Variants in PFKFB1 observed in about 807,000 individuals in gnomAD.
The protein encoded by PFKFB1 is 6-phosphofructo-2-kinase/fructose-2,6-biphosphatase 1, also known as 6-phosphofructo-2-kinase/fructose-2,6-bisphosphatase 1.
A neutral mutation model predicts 46.4 loss-of-function variants in PFKFB1; 34 were observed. The ratio of observed to expected loss-of-function variants is 0.73; its 90% CI spans 0.56 to 0.98. The LOEUF is 0.98. Ranked by LOEUF, PFKFB1 falls within the 50% of genes least tolerant of loss-of-function variation. PFKFB1 has a pLI of 0.00. For missense variants in PFKFB1, 393 were observed against 376.3 expected (o/e 1.04, Z -0.37); for synonymous variants, 119 against 133.8 (o/e 0.89, Z 0.76).
intron 6 of PFKFB1, among the ~76,000 whole-genome samples, chrX:54,957,185 T>C (rs4826364): frequency 0.44 from 48,576 of 110,630 alleles, 8,291 homozygotes; most frequent in African/African-American, 0.63. Flanking sequence ...TATAGTTCTC[T>C]GGAGATGCCA....
chrX:54,941,820 T>C (rs1307026612), intron 10 of PFKFB1, among the ~76,000 whole-genome samples: 2 of 112,152 alleles, frequency 1.8e-5, no homozygotes, highest in Non-Finnish European at 3.8e-5. Flanking sequence ...TCAACCATTG[T>C]GGAAGTCAGT....
intron 10 of PFKFB1, among the ~76,000 whole-genome samples, chrX:54,939,555 G>C (rs934642579): frequency 3.6e-5 from 4 of 111,609 alleles, no homozygotes; most frequent in Non-Finnish European, 5.6e-5. Context: ...AAATGATAAA[G>C]GGAATATCAC....
At chrX:54,954,349 A>T (rs1458093996) in intron 7 of PFKFB1, among the ~76,000 whole-genome samples, 2 of 110,136 alleles carry the variant, frequency 1.8e-5, no homozygotes, top group Non-Finnish European at 3.8e-5. Context: ...CCTATCTCTA[A>T]TAAAAATACA....
At chrX:54,974,359 A>T (rs910037981) in intron 1 of PFKFB1, among the ~76,000 whole-genome samples, 3 of 111,396 alleles carry the variant, frequency 2.7e-5, no homozygotes, top group Non-Finnish European at 5.7e-5. Context: ...GGGAAATGAT[A>T]CCCTATTCAA....
In PFKFB1 at chrX:54,959,887, G is replaced by A. The variant is rs144376252; in HGVS notation, c.324C>T (p.Cys108=). The A allele has an allele frequency of 3.0e-5, 36 of 1,194,861 alleles. No individual in the cohort carries two copies. The highest frequency in any genetic ancestry group is 1.2e-4 in the African/African-American group (7 of 56,979). The stretch of plus-strand genomic sequence containing the variant: ...GAACATCCTTCAGGGCTGCCAGGGC[G>A]CACTGCCTGAAATAGACCAGGAAAG... ...NMEALQIRKQ[C]ALAALKDVHN... Residue 108 remains cysteine, a synonymous_variant, in exon 4 of 14, where the codon TGC becomes TGT. Coordinates refer to ENST00000375006, the MANE Select transcript of PFKFB1 (RefSeq NM_002625.4).
rs1933354873 is a variant in PFKFB1, at chrX:54,935,389, C to T, written c.1229-380G>A. 5.4e-5 allele frequency among the ~76,000 whole-genome samples: 6 copies of T among 112,061 alleles called. No homozygotes were observed. The South Asian group carries it at 2.3e-3, about 42-fold the overall frequency. On this transcript the variant is annotated intron_variant, in intron 11 of 13. Coordinates refer to ENST00000375006, the MANE Select transcript of PFKFB1 (RefSeq NM_002625.4). ...CACAAAGGCCCACAGTTCACGTCAG[C>T]AAGTGTTTTTTGAGACCCTGCTGTG...
At chrX:54,988,313 A>G (rs940583413) in intron 1 of PFKFB1, among the ~76,000 whole-genome samples, 3 of 111,798 alleles carry the variant, frequency 2.7e-5, no homozygotes, top group Non-Finnish European at 5.7e-5. Flanking sequence ...ACTGCAAAAC[A>G]TTGGTGAATA....
At chrX:54,965,027 C>A (rs1170432445) in intron 1 of PFKFB1, among the ~76,000 whole-genome samples, 1 of 111,277 alleles carries the variant, frequency 9.0e-6, no homozygotes, top group South Asian at 3.7e-4. Flanking sequence ...GAAACCAGAA[C>A]AAAACATCCA....
chrX:54,940,310 C>T (rs1723159846), intron 10 of PFKFB1, among the ~76,000 whole-genome samples: 1 of 111,573 alleles, frequency 9.0e-6, no homozygotes, highest in Non-Finnish European at 1.9e-5. Context: ...AAACTGGAAG[C>T]ATTCCCTTTG....
At position 54,952,085 on chromosome X, in the gene PFKFB1, G is replaced by A. The variant is rs766396112; in HGVS notation, c.666C>T (p.Asp222=). Residue 222 remains aspartate (D), a synonymous_variant, in exon 8 of 14, where the codon GAC becomes GAT. Transcript: ENST00000375006. ...GGTTCACCATGTAGCGTGTGCCCACGTCGAAGATCTTGATGTAGGACAGGT... is the reference window on the plus strand; with the variant it reads ...GGTTCACCATGTAGCGTGTGCCCACATCGAAGATCTTGATGTAGGACAGGT... The part of the protein sequence containing the change: ...DSHLSYIKIF[D]VGTRYMVNRV... The A allele has an allele frequency of 6.6e-6, 8 of 1,209,262 alleles. No individual in the cohort carries two copies. The highest frequency in any genetic ancestry group is 3.0e-5 in the East Asian group (1 of 33,755).
At chrX:54,969,921 T>C (rs1381307549) in intron 1 of PFKFB1, among the ~76,000 whole-genome samples, 1 of 112,271 alleles carries the variant, frequency 8.9e-6, no homozygotes, top group Admixed American at 9.4e-5. Context: ...TTATGTTTTA[T>C]TTTTTGAGAC....
intron 10 of PFKFB1, among the ~76,000 whole-genome samples, chrX:54,941,944 G>A (rs984050948): frequency 3.6e-5 from 4 of 111,896 alleles, no homozygotes; most frequent in Admixed American, 9.5e-5. Flanking sequence ...ACATGCACAC[G>A]TATGTTTACT....
At chrX:54,989,581 G>A (rs1014230770) in intron 1 of PFKFB1, among the ~76,000 whole-genome samples, 1 of 111,838 alleles carries the variant, frequency 8.9e-6, no homozygotes, top group Admixed American at 9.5e-5. Context: ...CAACTTAATC[G>A]AGGTATATAG....
chrX:54,997,478 AC>A (rs777907658), upstream of PFKFB1, among the ~76,000 whole-genome samples: 2 of 111,638 alleles, frequency 1.8e-5, no homozygotes, highest in African/African-American at 6.5e-5. Context: ...CTGACCCCAT[AC>A]CCCTCCCAAA....
intron 9 of PFKFB1, among the ~76,000 whole-genome samples, 178 bp from the exon 10 acceptor site, chrX:54,945,721 CGTGTGTGTGT>C (rs779266579): frequency 2.3e-4 from 20 of 88,732 alleles, no homozygotes; most frequent in Middle Eastern, 5.7e-3. Context: ...TGTGTGTGTG[CGTGTGTGTGT>C]GTGTGTGTGT....
intron 3 of PFKFB1, among the ~76,000 whole-genome samples, chrX:54,960,174 G>A (rs912606808): frequency 8.9e-6 from 1 of 112,494 alleles, no homozygotes; most frequent in East Asian, 2.8e-4. Flanking sequence ...ATAATATTAA[G>A]GGCTCCAACC....
At chrX:54,987,880 TG>T (rs1337410943) in intron 1 of PFKFB1, among the ~76,000 whole-genome samples, 1 of 111,574 alleles carries the variant, frequency 9.0e-6, no homozygotes. Flanking sequence ...TCACACTTAA[TG>T]GTGAAAGATT....
Position 54,951,948 on chromosome X carries a change from C to T in PFKFB1, c.803G>A (p.Gly268Asp). The T allele has an allele frequency of 1.7e-6, 2 of 1,208,812 alleles. No individual in the cohort carries two copies. The highest frequency in any genetic ancestry group is 4.6e-4 in the Middle Eastern group (2 of 4,343). ...GAGGCCAGAGTCACCTCCGATGCGGCCTCTGATGTTGAGTTCACTCTCGCC... is the reference window on the plus strand; with the variant it reads ...GAGGCCAGAGTCACCTCCGATGCGGTCTCTGATGTTGAGTTCACTCTCGCC... ...RHGESELNIR[G>D]RIGGDSGLSV... is the part of the protein sequence containing the mutation. Residue 268 changes from glycine (G) to aspartate (D), a missense_variant, in exon 8 of 14, where the codon GGC becomes GAC. Coordinates refer to ENST00000375006, the MANE Select transcript of PFKFB1 (RefSeq NM_002625.4).
chrX:54,938,325 G>A (rs887191518), intron 10 of PFKFB1, among the ~76,000 whole-genome samples: 8 of 112,164 alleles, frequency 7.1e-5, no homozygotes, highest in African/African-American at 2.3e-4. Flanking sequence ...ACAAGAAAAT[G>A]TGTCTGTCTC....
Sources: gnomAD v4.1 joint callset for allele counts (sites outside exome capture counted in the v4.1 genomes callset) on GRCh38, gnomAD v4.1.1 for gene constraint, MANE v1.5 for transcripts, NCBI Gene and HGNC (gene_info 2026-07-23, HGNC 2026-07-21) for gene names.